DNER: variants seen among roughly 807,000 people sequenced by gnomAD.
DNER encodes delta and Notch-like epidermal growth factor-related receptor.
Under a neutral mutation model 78.2 loss-of-function variants are expected in DNER, and 33 were observed. That is an observed-to-expected ratio of 0.42 (90% confidence interval 0.32 to 0.56). The LOEUF (loss-of-function observed/expected upper bound fraction) is 0.56. Among genes scored for constraint, DNER ranks in the 20% least tolerant of loss-of-function variants. The pLI, the probability that DNER is intolerant of heterozygous loss-of-function variation, is 0.11. For missense variants in DNER, 918 were observed against 975.3 expected, an observed-to-expected ratio of 0.94 and a Z score of 0.78; for synonymous variants, 417 against 384.8, an observed-to-expected ratio of 1.08 and a Z score of -0.98.
chr2:229,456,474 T>A (rs1181485421), intron 7 of DNER, among the ~76,000 whole-genome samples: 15 of 151,728 alleles, frequency 9.9e-5, no homozygotes, highest in Non-Finnish European at 5.9e-5. Context: ...CTGTCAGGCC[T>A]CTGTCCCTTC....
chr2:229,672,844 G>A (rs1699232773), intron 1 of DNER, among the ~76,000 whole-genome samples: 1 of 152,122 alleles, frequency 6.6e-6, no homozygotes, highest in South Asian at 2.1e-4. Flanking sequence ...ATGGAAGAGT[G>A]GTAAGTTTCT....
At chr2:229,472,256 T>C (rs2154211180) in intron 7 of DNER, among the ~76,000 whole-genome samples, 2 of 152,306 alleles carry the variant, frequency 1.3e-5, no homozygotes, top group Middle Eastern at 6.8e-3. Context: ...AGCCCCATAT[T>C]CTCTCTTTGG....
At position 229,511,892 on chromosome 2, in the gene DNER, A is replaced by G. The variant is rs1034475428; in HGVS notation, c.1147+891T>C. On this transcript the variant is annotated intron_variant, in intron 6 of 12. Coordinates refer to ENST00000341772, the MANE Select transcript of DNER (RefSeq NM_139072.4). ...AACTTTCTTCTTCCATTCCCTGATT[A>G]CATAAAGCATAGACTGATAGCATCA... is the stretch of plus-strand genomic sequence containing the variant. Among the ~76,000 whole-genome samples, 3 of 152,248 alleles carry G rather than the reference A, an allele frequency of 2.0e-5. No homozygotes were observed. The South Asian group carries it at 6.2e-4, about 32-fold the overall frequency.
chr2:229,459,427 A>C (rs1694644221), intron 7 of DNER, among the ~76,000 whole-genome samples: 1 of 152,136 alleles, frequency 6.6e-6, no homozygotes, highest in African/African-American at 2.4e-5. Flanking sequence ...TTGTTGTGTT[A>C]AAAGTAATAG....
At chr2:229,538,625 C>T (rs1198757280) in intron 5 of DNER, among the ~76,000 whole-genome samples, 1 of 152,004 alleles carries the variant, frequency 6.6e-6, no homozygotes, top group African/African-American at 2.4e-5. Context: ...TTGCTAAGAA[C>T]AAATTTTAAG....
At chr2:229,423,016 C>T (rs992727982) in intron 8 of DNER, among the ~76,000 whole-genome samples, 2 of 152,146 alleles carry the variant, frequency 1.3e-5, no homozygotes, top group African/African-American at 4.8e-5. Flanking sequence ...GGTCACTGAA[C>T]ACCCTCAAAA....
In DNER at chr2:229,587,416, G is replaced by A. The variant is rs188138614; in HGVS notation, c.680+978C>T. 1.2e-4 allele frequency among the ~76,000 whole-genome samples: 18 copies of A among 152,260 alleles called. 1 individual carries two copies. In the East Asian group the frequency reaches 2.7e-3, roughly 23 times the overall value. Reference sequence around the variant, plus strand: ...CTTCCCCTGCCAGAGTGAGTTCAAGGCTGTGGTGACCCAGGGTGCAAGAGC... The same window carrying A: ...CTTCCCCTGCCAGAGTGAGTTCAAGACTGTGGTGACCCAGGGTGCAAGAGC... On this transcript the variant is annotated intron_variant, in intron 3 of 12. Coordinates refer to ENST00000341772, the MANE Select transcript of DNER (RefSeq NM_139072.4).
rs555724257 is a variant in DNER at position 229,691,269 on chromosome 2, T to C, written c.276+22879A>G. On this transcript the variant is annotated intron_variant, in intron 1 of 12. Transcript: ENST00000341772. ...CTCTATAGTTAGATTTTGTATTTTATGCAGTTTGATGATCTTTGTATTTTA... is the reference window on the plus strand; with the variant it reads ...CTCTATAGTTAGATTTTGTATTTTACGCAGTTTGATGATCTTTGTATTTTA... Among the ~76,000 whole-genome samples, 4 of 152,348 alleles carry C rather than the reference T, an allele frequency of 2.6e-5. No individual in the cohort carries two copies. In the East Asian group the frequency reaches 7.8e-4, roughly 30 times the overall value.
chr2:229,464,804 G>A (rs1167188769), intron 7 of DNER, among the ~76,000 whole-genome samples: 1 of 152,160 alleles, frequency 6.6e-6, no homozygotes, highest in East Asian at 1.9e-4. Flanking sequence ...ACACAAGGGG[G>A]AGAGAGAGCC....
intron 6 of DNER, among the ~76,000 whole-genome samples, chr2:229,504,307 C>T (rs369668360): frequency 6.6e-6 from 1 of 152,148 alleles, no homozygotes. Context: ...GCAACCTCTG[C>T]CTCCCGGGTT....
Position 229,585,972 on chromosome 2 carries a change from T to C in DNER, c.733A>G (p.Thr245Ala), listed in dbSNP as rs745706040. 1 of 1,614,110 alleles carries C rather than the reference T, an allele frequency of 6.2e-7. No homozygotes were observed. The highest frequency in any genetic ancestry group is 1.1e-5 in the South Asian group (1 of 91,060). The part of the protein sequence containing the change: ...SLILLWKVTA[T>A]GFQQCSLIDG... ...ATGAGGGAGCACTGTTGGAATCCTG[T>C]GGCCGTGACCTTCCAGAGCAAAATC... Residue 245 changes from threonine (T) to alanine (A), a missense_variant, in exon 4 of 13, where the codon ACA (threonine) becomes GCA (alanine). Coordinates refer to ENST00000341772, the MANE Select transcript of DNER (RefSeq NM_139072.4).
At chr2:229,465,670 T>C (rs954955373) in intron 7 of DNER, among the ~76,000 whole-genome samples, 7 of 152,126 alleles carry the variant, frequency 4.6e-5, no homozygotes, top group African/African-American at 9.7e-5. Flanking sequence ...CAAGATCACT[T>C]AGTGATTTGT....
intron 1 of DNER, among the ~76,000 whole-genome samples, chr2:229,612,010 A>G (rs1698056997): frequency 6.6e-6 from 1 of 152,178 alleles, no homozygotes; most frequent in Non-Finnish European, 1.5e-5. Context: ...CAGCTGATCA[A>G]TCACAGCGTG....
chr2:229,621,065 TAC>T (rs1698244066), intron 1 of DNER, among the ~76,000 whole-genome samples: 1 of 152,240 alleles, frequency 6.6e-6, no homozygotes, highest in Non-Finnish European at 1.5e-5. Flanking sequence ...AGCTAACTCA[TAC>T]AAGAAGTTTC....
In DNER at chr2:229,407,314, G is replaced by A. The variant is rs765133730; in HGVS notation, c.1641C>T (p.Cys547=). The A allele has an allele frequency of 1.3e-5, 21 of 1,613,786 alleles. No homozygotes were observed. The highest frequency in any genetic ancestry group is 1.0e-4 in the Admixed American group (6 of 60,002). ...CTCCGTTCAGACAGCTGACGTTAGCGCAGGGATCCTTGTACAATTCACAGT... is the reference window on the plus strand; with the variant it reads ...CTCCGTTCAGACAGCTGACGTTAGCACAGGGATCCTTGTACAATTCACAGT... ...GTHCELYKDP[C]ANVSCLNGAT... The change falls in exon 10 of 13, where the codon TGC becomes TGT. Residue 547 remains cysteine, a synonymous_variant. Transcript: ENST00000341772.
intron 6 of DNER, among the ~76,000 whole-genome samples, chr2:229,489,527 T>C (rs1351693289): frequency 1.1e-5 from 1 of 89,882 alleles, no homozygotes; most frequent in African/African-American, 4.8e-5. Flanking sequence ...AGGAAGGTGG[T>C]GAGGAGGAGG....
chr2:229,543,188 CT>C (rs773633232), intron 5 of DNER, among the ~76,000 whole-genome samples: 8 of 152,152 alleles, frequency 5.3e-5, no homozygotes, highest in Non-Finnish European at 1.2e-4. Flanking sequence ...CAAGAAGAAG[CT>C]GCTACCCCTG....
rs921944318 is a variant in DNER at position 229,714,238 on chromosome 2, G to A, written c.186C>T (p.Arg62=). ...CCGGGTGCTGCGGGTCCGGCTCAGGGCGCGAGGTGCACACACCCCCATTCC... is the reference window on the plus strand; with the variant it reads ...CCGGGTGCTGCGGGTCCGGCTCAGGACGCGAGGTGCACACACCCCCATTCC... ...PCRNGGVCTS[R]PEPDPQHPAP... Residue 62 remains arginine, a synonymous_variant, in exon 1 of 13, where the codon CGC becomes CGT. Transcript: ENST00000341772. 1 of 1,417,992 alleles carries A rather than the reference G, an allele frequency of 7.1e-7. No homozygotes were observed. The highest frequency in any genetic ancestry group is 9.2e-7 in the Non-Finnish European group (1 of 1,088,438). 87.8% of individuals were successfully genotyped at this position (1,417,992 alleles called of 1,614,324 possible). A position where few individuals can be genotyped will look rare whatever the true frequency, so the allele number is the denominator to read the frequency against.
intron 11 of DNER, among the ~76,000 whole-genome samples, chr2:229,374,034 G>A (rs753754523): frequency 1.4e-4 from 21 of 152,102 alleles, no homozygotes; most frequent in Non-Finnish European, 2.6e-4. Context: ...CAGGTGTCAT[G>A]GTACATTTCT....
Sources: allele counts gnomAD v4.1 joint callset (sites outside exome capture counted in the v4.1 genomes callset), GRCh38; gene constraint gnomAD v4.1.1; transcripts MANE v1.5; gene names NCBI Gene and HGNC (gene_info 2026-07-23, HGNC 2026-07-21).